The following ZNF774 variants were observed in gnomAD, a reference collection of about 807,000 sequenced individuals.
ZNF774 encodes the protein zinc finger protein 774.
Under a neutral mutation model 11.1 loss-of-function variants are expected in ZNF774, and 14 were observed. The ratio of observed to expected loss-of-function variants is 1.26; its 90% CI spans 0.83 to 1.97. The LOEUF (loss-of-function observed/expected upper bound fraction) is 1.97. Ranked by LOEUF, ZNF774 falls within the 30% of genes most tolerant of loss-of-function variation. The pLI is 0.00. For missense variants in ZNF774, 599 were observed against 587.0 expected (o/e 1.02, Z -0.21); for synonymous variants, 195 against 212.6 (o/e 0.92, Z 0.72).
chr15:90,355,759 G>A (rs1472246323), intron 2 of ZNF774, among the ~76,000 whole-genome samples: 3 of 136,760 alleles, frequency 2.2e-5, no homozygotes, highest in African/African-American at 5.5e-5. Context: ...GGCTGGGCGC[G>A]GTGGCTCATG....
At position 90,361,935 on chromosome 15, in the gene ZNF774, G is replaced by A. The variant is rs12907172; in HGVS notation, c.*652G>A. The A allele has an allele frequency of 0.015, 2,343 of 153,774 alleles. 26 individuals are homozygous for A. Among genetic ancestry groups the A allele is most frequent in the Middle Eastern group, 0.024 (7 of 294 alleles). The allele number at this position is 153,774 out of a possible 1,614,324, so 9.5% of individuals were successfully genotyped here. On this transcript the variant is annotated 3_prime_UTR_variant, in exon 4 of 4. Transcript: ENST00000354377. ...AACATAGATGCTCAATAACTAAATGGTCCCATCATTATTAATGATTAATAG... is the reference window on the plus strand; with the variant it reads ...AACATAGATGCTCAATAACTAAATGATCCCATCATTATTAATGATTAATAG...
intron 2 of ZNF774, chr15:90,355,473 C>A: frequency 2.2e-6 from 1 of 455,750 alleles, no homozygotes; most frequent in Non-Finnish European, 4.4e-6. Flanking sequence ...GCCTGTAATC[C>A]CAGCACTTTG....
chr15:90,358,906 C>CT lies in ZNF774; in HGVS notation c.161dup (p.Pro55ThrfsTer6). The stretch of plus-strand genomic sequence containing the variant: ...GGAGCAGAAAGAAGAGCCATGGGTC[C>CT]TACCACTCCAAAACTTTGAGGCGAG... On this transcript the variant is annotated frameshift_variant, in exon 3 of 4. Coordinates refer to ENST00000354377, the MANE Select transcript of ZNF774 (RefSeq NM_001004309.3). LOFTEE classifies it low-confidence loss of function (END_TRUNC). 6.2e-7 allele frequency: 1 copy of CT among 1,613,684 alleles called. No individual in the cohort carries two copies. Among genetic ancestry groups the CT allele is most frequent in the Non-Finnish European group, 8.5e-7 (1 of 1,179,770 alleles).
Position 90,360,959 on chromosome 15 carries a change from G to A in ZNF774, c.1128G>A (p.Lys376=). 1 of 1,614,212 alleles carries A rather than the reference G, an allele frequency of 6.2e-7. No homozygotes were observed. Among genetic ancestry groups the A allele is most frequent in the Non-Finnish European group, 8.5e-7 (1 of 1,180,046 alleles). ...QRTHTGERPF[K]CENCGKGFAD... The stretch of plus-strand genomic sequence containing the variant: ...CACACACAGGTGAGAGACCTTTTAA[G>A]TGCGAAAACTGTGGGAAAGGATTCG... Residue 376 remains lysine, a synonymous_variant, in exon 4 of 4, where the codon AAG becomes AAA. Coordinates refer to ENST00000354377, the MANE Select transcript of ZNF774 (RefSeq NM_001004309.3).
rs936364087 is a variant in ZNF774, at chr15:90,361,361, C to A, written c.*78C>A. ...CTTCAAGCACCCCAAATAGAGAAAA[C>A]CTGGGCGTCAGTGGCTCAATTTGGG... On this transcript the variant is annotated 3_prime_UTR_variant, in exon 4 of 4. Transcript: ENST00000354377. 9.2e-5 allele frequency: 138 copies of A among 1,505,454 alleles called. 1 individual carries two copies. In the South Asian group the frequency reaches 1.7e-3, roughly 18 times the overall value. 93.3% of individuals were successfully genotyped at this position (1,505,454 alleles called of 1,614,324 possible).
chr15:90,361,297 G>T lies in ZNF774; in HGVS notation c.*14G>T. 6.4e-7 allele frequency: 1 copy of T among 1,574,438 alleles called. No homozygotes were observed. The highest frequency in any genetic ancestry group is 8.6e-7 in the Non-Finnish European group (1 of 1,160,078). ...CATTTGATTTAGGAAGTAGTCTTTG[G>T]TGTTCAGCTGCTCCCTTGCACATTT... On this transcript the variant is annotated 3_prime_UTR_variant, in exon 4 of 4. Coordinates refer to ENST00000354377, the MANE Select transcript of ZNF774 (RefSeq NM_001004309.3).
rs1389018075 is a variant in ZNF774, at chr15:90,354,636, C to T, written c.-19-6C>T. On this transcript the variant is annotated splice_region_variant and splice_polypyrimidine_tract_variant and intron_variant, in intron 1 of 3. Coordinates refer to ENST00000354377, the MANE Select transcript of ZNF774 (RefSeq NM_001004309.3). Reference sequence around the variant, plus strand: ...TACTGATGCACATTGAGGTCTCTTGCTTTAGGAACTGATGACGCTTGATAA... The same window carrying T: ...TACTGATGCACATTGAGGTCTCTTGTTTTAGGAACTGATGACGCTTGATAA... 2.6e-6 allele frequency: 4 copies of T among 1,566,512 alleles called. No homozygotes were observed. Among genetic ancestry groups the T allele is most frequent in the African/African-American group, 1.4e-5 (1 of 73,948 alleles).
intron 2 of ZNF774, 47 bp downstream of exon 2, chr15:90,354,811 T>C (rs1435539334): frequency 3.4e-6 from 5 of 1,481,068 alleles, no homozygotes; most frequent in Non-Finnish European, 3.7e-6. Flanking sequence ...CTTGTTTTTT[T>C]TGAGACGGGG....
At chr15:90,358,379 G>C (rs183136667) in intron 2 of ZNF774, among the ~76,000 whole-genome samples, 4 of 152,140 alleles carry the variant, frequency 2.6e-5, no homozygotes, top group African/African-American at 7.2e-5. Flanking sequence ...ATTATAGTGA[G>C]GTTAAACATT....
In ZNF774 at chr15:90,360,644, C is replaced by T; in HGVS notation, c.813C>T (p.Ser271=). 2 of 1,614,116 alleles carry T rather than the reference C, an allele frequency of 1.2e-6. No individual in the cohort carries two copies. Among genetic ancestry groups the T allele is most frequent in the Non-Finnish European group, 1.7e-6 (2 of 1,180,024 alleles). Residue 271 remains serine (S), a synonymous_variant, in exon 4 of 4, where the codon AGC becomes AGT. Coordinates refer to ENST00000354377, the MANE Select transcript of ZNF774 (RefSeq NM_001004309.3). ...ACGCGTGCCTGGAATGTCACAAAAG[C>T]TTCAGTCGAAGCTCAAATTTCATCA... is the stretch of plus-strand genomic sequence containing the variant. ...KPYACLECHK[S]FSRSSNFITH...
chr15:90,358,122 G>A (rs893362729), intron 2 of ZNF774, among the ~76,000 whole-genome samples: 9 of 152,044 alleles, frequency 5.9e-5, no homozygotes, highest in African/African-American at 2.2e-4. Flanking sequence ...TCCTGACCTC[G>A]TAATCCGCCT....
chr15:90,356,106 G>T (rs1346426234), intron 2 of ZNF774, among the ~76,000 whole-genome samples: 3 of 144,820 alleles, frequency 2.1e-5, no homozygotes, highest in Admixed American at 7.1e-5. Flanking sequence ...CCTTCCTCCT[G>T]CTTTACTTCT....
Position 90,361,229 on chromosome 15 carries a change from G to T in ZNF774, c.1398G>T (p.Lys466Asn). 6.2e-7 allele frequency: 1 copy of T among 1,611,834 alleles called. No individual in the cohort carries two copies. Among genetic ancestry groups the T allele is most frequent in the South Asian group, 1.1e-5 (1 of 90,906 alleles). The change falls in exon 4 of 4, where the codon AAG (lysine) becomes AAT (asparagine). Residue 466 changes from lysine to asparagine, a missense_variant. Transcript: ENST00000354377. ...EKPFHCSKCN[K>N]SFRQKAHLLC... Reference sequence around the variant, plus strand: ...CTTTCCACTGTAGTAAATGTAACAAGAGCTTCCGTCAGAAAGCGCATCTTT... The same window carrying T: ...CTTTCCACTGTAGTAAATGTAACAATAGCTTCCGTCAGAAAGCGCATCTTT...
At chr15:90,352,463 G>A (rs960388995) in intron 1 of ZNF774, 52 bp downstream of exon 1, 2 of 152,514 alleles carry the variant, frequency 1.3e-5, no homozygotes, top group African/African-American at 2.4e-5. Flanking sequence ...CTGCTGAGGG[G>A]CGTGGAGGGG....
rs1331085684 is a variant in ZNF774, at chr15:90,361,268, C to T, written c.1437C>T (p.Asn479=). 1.2e-6 allele frequency: 2 copies of T among 1,602,860 alleles called. No homozygotes were observed. Among genetic ancestry groups the T allele is most frequent in the South Asian group, 2.2e-5 (2 of 90,100 alleles). Residue 479 remains asparagine (N), a synonymous_variant, in exon 4 of 4, where the codon AAC becomes AAT. Transcript: ENST00000354377. ...AAGCGCATCTTTTATGCCATCAAAACACCCATTTGATTTAGGAAGTAGTCT... is the reference window on the plus strand; with the variant it reads ...AAGCGCATCTTTTATGCCATCAAAATACCCATTTGATTTAGGAAGTAGTCT... ...RQKAHLLCHQ[N]THLI
At position 90,362,799 on chromosome 15, in the gene ZNF774, C is replaced by A; in HGVS notation, c.*1516C>A. On this transcript the variant is annotated 3_prime_UTR_variant, in exon 4 of 4. Transcript: ENST00000354377. Reference sequence around the variant, plus strand: ...CACACACACACACTTTGTTGGTTAACTATAAATGTAATATCTCTATGTTAT... The same window carrying A: ...CACACACACACACTTTGTTGGTTAAATATAAATGTAATATCTCTATGTTAT... 2.0e-6 allele frequency: 1 copy of A among 500,830 alleles called. No homozygotes were observed. Among genetic ancestry groups the A allele is most frequent in the South Asian group, 3.4e-5 (1 of 29,666 alleles). The allele number at this position is 500,830 out of a possible 1,614,324, so 31.0% of individuals were successfully genotyped here.
In ZNF774 at chr15:90,361,000, T is replaced by C. The variant is rs775792832; in HGVS notation, c.1169T>C (p.Leu390Pro). ...CGKGFADSSALIKHQRIHTGE... is the reference protein window; with the variant it reads ...CGKGFADSSAPIKHQRIHTGE... ...AAAGGATTCGCCGACAGCTCCGCCC[T>C]CATTAAGCACCAACGAATCCACACC... Residue 390 changes from leucine to proline, a missense_variant, in exon 4 of 4, where the codon CTC (leucine) becomes CCC (proline). By Grantham distance (98) the Leu-to-Pro change is moderately conservative. Transcript: ENST00000354377. 4 of 1,614,098 alleles carry C rather than the reference T, an allele frequency of 2.5e-6. No individual in the cohort carries two copies. The South Asian group carries it at 4.4e-5, about 18-fold the overall frequency.
Position 90,361,078 on chromosome 15 carries a change from C to A in ZNF774, c.1247C>A (p.Ser416Tyr). 6.2e-7 allele frequency: 1 copy of A among 1,614,102 alleles called. No homozygotes were observed. Among genetic ancestry groups the A allele is most frequent in the Non-Finnish European group, 8.5e-7 (1 of 1,179,990 alleles). ...TGTGGGAAGAGCTTCAATCAGAGCTCCCACTTTATTACCCATCAGCGAATC... is the reference window on the plus strand; with the variant it reads ...TGTGGGAAGAGCTTCAATCAGAGCTACCACTTTATTACCCATCAGCGAATC... ...GECGKSFNQS[S>Y]HFITHQRIHL... The change falls in exon 4 of 4, where the codon TCC becomes TAC. Residue 416 changes from serine (S) to tyrosine (Y), a missense_variant. By Grantham distance (144) the Ser-to-Tyr change is moderately radical. Transcript: ENST00000354377.
chr15:90,355,088 G>C (rs2151680907), intron 2 of ZNF774, among the ~76,000 whole-genome samples: 1 of 152,292 alleles, frequency 6.6e-6, no homozygotes, highest in African/African-American at 2.4e-5. Context: ...CAAAGTGCTA[G>C]GATTATGGGC....
Sources: allele counts gnomAD v4.1 joint callset (sites outside exome capture counted in the v4.1 genomes callset), GRCh38; gene constraint gnomAD v4.1.1; transcripts MANE v1.5; gene names NCBI Gene and HGNC (gene_info 2026-07-23, HGNC 2026-07-21).